COMT: variants seen among roughly 807,000 people sequenced by gnomAD.
COMT encodes catechol O-methyltransferase.
A neutral mutation model predicts 18.9 loss-of-function variants in COMT; 13 were observed. The observed-to-expected ratio is 0.69, with a 90% confidence interval of 0.45 to 1.09. COMT has a LOEUF of 1.09. Among genes scored for constraint, COMT ranks in the 50% least tolerant of loss-of-function variants. The probability of loss-of-function intolerance (pLI) is 0.00; values close to 1 mark genes in which losing one functional copy is unlikely to be tolerated. For missense variants in COMT, 329 were observed against 361.8 expected, an observed-to-expected ratio of 0.91 and a Z score of 0.73; for synonymous variants, 150 against 160.9, an observed-to-expected ratio of 0.93 and a Z score of 0.51.
At chr22:19,957,066 T>G (rs1942080124) in intron 1 of COMT, among the ~76,000 whole-genome samples, 1 of 151,102 alleles carries the variant, frequency 6.6e-6, no homozygotes, top group Admixed American at 6.6e-5. Context: ...TTCTCCTGCC[T>G]CAGCCTCCCG....
At chr22:19,957,761 C>G (rs1323896703) in intron 1 of COMT, among the ~76,000 whole-genome samples, 3 of 152,208 alleles carry the variant, frequency 2.0e-5, no homozygotes, top group African/African-American at 7.2e-5. Flanking sequence ...TCAGCCGTTT[C>G]ACAGAGGAGG....
intron 1 of COMT, among the ~76,000 whole-genome samples, chr22:19,956,117 TTTC>T (rs1195722271): frequency 8.4e-5 from 9 of 107,236 alleles, no homozygotes; most frequent in African/African-American, 2.5e-4. Context: ...GTTATCTTTC[TTTC>T]TTTTTTTTCT....
chr22:19,941,818 T>TG lies in COMT; in HGVS notation c.-167dup. On this transcript the variant is annotated 5_prime_UTR_variant, in exon 1 of 6. Transcript: ENST00000361682. ...ATTGCCGCCATCGTCGTGGGGCTTCTGGGGCAGCTAGGGCTGCCCGCCGCG... is the reference window on the plus strand; with the variant it reads ...ATTGCCGCCATCGTCGTGGGGCTTCTGGGGGCAGCTAGGGCTGCCCGCCGCG... 1 of 1,514,552 alleles carries TG rather than the reference T, an allele frequency of 6.6e-7. No individual in the cohort carries two copies. 93.8% of individuals were successfully genotyped at this position (1,514,552 alleles called of 1,614,324 possible). A position where few individuals can be genotyped will look rare whatever the true frequency, so the allele number is the denominator to read the frequency against.
intron 1 of COMT, among the ~76,000 whole-genome samples, chr22:19,948,196 C>T (rs1280136221): frequency 2.0e-5 from 3 of 152,166 alleles, no homozygotes; most frequent in Non-Finnish European, 2.9e-5. Context: ...TGGAACAGCT[C>T]GTGCCCTCGG....
intron 1 of COMT, among the ~76,000 whole-genome samples, chr22:19,958,935 G>T (rs1320748861): frequency 6.6e-6 from 1 of 152,012 alleles, no homozygotes; most frequent in Non-Finnish European, 1.5e-5. Flanking sequence ...CACAAAAGCA[G>T]AGAGAATTCC....
chr22:19,944,801 G>A lies in COMT; in HGVS notation c.-92+2904G>A, dbSNP rs578147196. ...CACACCACTGCACTCCAGCCTGGGCGACACAGCAAGACTGCGTCTCAAAAA... is the reference window on the plus strand; with the variant it reads ...CACACCACTGCACTCCAGCCTGGGCAACACAGCAAGACTGCGTCTCAAAAA... On this transcript the variant is annotated intron_variant, in intron 1 of 5. Coordinates refer to ENST00000361682, the MANE Select transcript of COMT (RefSeq NM_000754.4). 1.4e-4 allele frequency among the ~76,000 whole-genome samples: 21 copies of A among 152,150 alleles called. No individual in the cohort carries two copies. The East Asian group carries it at 1.7e-3, about 13-fold the overall frequency.
In COMT at chr22:19,968,522, C is replaced by T. The variant is rs373882300; in HGVS notation, c.616-14C>T. 4.8e-5 allele frequency: 77 copies of T among 1,612,606 alleles called. No individual in the cohort carries two copies. The highest frequency in any genetic ancestry group is 5.9e-5 in the Non-Finnish European group (69 of 1,179,448). On this transcript the variant is annotated splice_polypyrimidine_tract_variant and intron_variant, in intron 5 of 5. Transcript: ENST00000361682. The stretch of plus-strand genomic sequence containing the variant: ...TCTGACCCTCACCTCCCCCACCCCC[C>T]GGTCTGTTTGCAGGAATGTGGCCTG...
chr22:19,963,533 G>A (rs1450660548), intron 3 of COMT, 33 bp from the exon 4 acceptor site: 4 of 1,606,814 alleles, frequency 2.5e-6, no homozygotes, highest in East Asian at 4.5e-5. Flanking sequence ...CTCCACCTGT[G>A]CTCACCTCTC....
intron 5 of COMT, chr22:19,967,596 T>C (rs1451120408): frequency 2.8e-6 from 1 of 363,160 alleles, no homozygotes; most frequent in African/African-American, 2.1e-5. Context: ...GCAAGCCCTG[T>C]GGGACTCTCC....
At chr22:19,965,870 G>A (rs1942364317) in intron 5 of COMT, among the ~76,000 whole-genome samples, 1 of 152,078 alleles carries the variant, frequency 6.6e-6, no homozygotes, top group African/African-American at 2.4e-5. Context: ...CTGGAGGGGG[G>A]CTCACCCCTG....
chr22:19,941,858 C>G lies in COMT; in HGVS notation c.-131C>G. On this transcript the variant is annotated 5_prime_UTR_variant, in exon 1 of 6. Coordinates refer to ENST00000361682, the MANE Select transcript of COMT (RefSeq NM_000754.4). ...TGCCCGCCGCGCTGCCTGCGCCGGA[C>G]CGGGGCGGGTCCAGTCCCGGGCGGG... 1 of 1,457,936 alleles carries G rather than the reference C, an allele frequency of 6.9e-7. No individual in the cohort carries two copies. The highest frequency in any genetic ancestry group is 9.0e-7 in the Non-Finnish European group (1 of 1,113,086). 90.3% of individuals were successfully genotyped at this position (1,457,936 alleles called of 1,614,324 possible).
chr22:19,966,189 CGCACATCTGCACACTCAGGGCTGGG>C, intron 5 of COMT, among the ~76,000 whole-genome samples: 1 of 152,270 alleles, frequency 6.6e-6, no homozygotes, highest in East Asian at 1.9e-4. Flanking sequence ...CCTTGTTAAA[CGCACATCTGCACACTCAGGGCTGGG>C]GCCCTGTGCC....
chr22:19,947,732 T>TA (rs200975228), intron 1 of COMT, among the ~76,000 whole-genome samples: 3,273 of 152,302 alleles, frequency 0.021, 57 homozygotes, highest in South Asian at 0.082. Flanking sequence ...GGCCTCCGGA[T>TA]AACTGTGGGC....
intron 4 of COMT, 32 bp downstream of exon 4, chr22:19,963,791 A>G (rs1463403602): frequency 6.3e-7 from 1 of 1,599,282 alleles, no homozygotes; most frequent in Non-Finnish European, 8.5e-7. Flanking sequence ...TCAGACCTGG[A>G]AAAAGGGCCG....
intron 1 of COMT, among the ~76,000 whole-genome samples, chr22:19,952,734 C>A (rs1389626605): frequency 6.6e-6 from 1 of 151,736 alleles, no homozygotes; most frequent in African/African-American, 2.4e-5. Flanking sequence ...GGGCAGATCA[C>A]AAGGTCAGGA....
chr22:19,955,897 G>A (rs1368173606), intron 1 of COMT, among the ~76,000 whole-genome samples: 3 of 152,204 alleles, frequency 2.0e-5, no homozygotes, highest in African/African-American at 7.2e-5. Context: ...ACAACCTGAG[G>A]TCTCCTGAGC....
intron 1 of COMT, among the ~76,000 whole-genome samples, chr22:19,952,321 G>A (rs1044861347): frequency 4.0e-5 from 6 of 151,474 alleles, no homozygotes; most frequent in African/African-American, 1.5e-4. Context: ...CCGCCTGGGC[G>A]ACAGAGCAAG....
At chr22:19,964,874 G>C in intron 5 of COMT, 1 of 248,526 alleles carries the variant, frequency 4.0e-6, no homozygotes, top group Non-Finnish European at 7.9e-6. Flanking sequence ...TGCTTAAGGA[G>C]CCTCACATCA....
intron 5 of COMT, among the ~76,000 whole-genome samples, chr22:19,966,158 T>C (rs558181873): frequency 6.6e-6 from 1 of 152,150 alleles, no homozygotes; most frequent in South Asian, 2.1e-4. Context: ...AAGTGGGAAG[T>C]CATGAATTGG....
Sources: gnomAD v4.1 joint callset for allele counts (sites outside exome capture counted in the v4.1 genomes callset) on GRCh38, gnomAD v4.1.1 for gene constraint, MANE v1.5 for transcripts, NCBI Gene and HGNC (gene_info 2026-07-23, HGNC 2026-07-21) for gene names.